SRPK2: variants seen among roughly 807,000 people sequenced by gnomAD.
The protein encoded by SRPK2 is SFRS protein kinase 2.
Under a neutral mutation model 90.8 loss-of-function variants are expected in SRPK2, and 21 were observed. That is an observed-to-expected ratio of 0.23 (90% CI 0.16 to 0.33). SRPK2 has a LOEUF of 0.33. Ranked by LOEUF, SRPK2 falls within the 10% of genes least tolerant of loss-of-function variation. The pLI is 1.00. For synonymous variants in SRPK2, 288 were observed against 311.1 expected, an observed-to-expected ratio of 0.93 and a Z score of 0.78; for missense variants, 620 against 869.0, an observed-to-expected ratio of 0.71 and a Z score of 3.60.
chr7:105,353,901 T>C (rs1817502014), intron 2 of SRPK2, among the ~76,000 whole-genome samples: 1 of 152,108 alleles, frequency 6.6e-6, no homozygotes, highest in South Asian at 2.1e-4. Context: ...GAGGCCAAAC[T>C]TCTCCCCAGG....
intron 2 of SRPK2, among the ~76,000 whole-genome samples, chr7:105,255,902 C>G (rs1803211961): frequency 6.9e-6 from 1 of 145,774 alleles, no homozygotes; most frequent in African/African-American, 2.5e-5. Context: ...CCAGCCTGGG[C>G]GATAGTGTGA....
chr7:105,190,566 T>C (rs1794154073), intron 3 of SRPK2, among the ~76,000 whole-genome samples: 1 of 152,166 alleles, frequency 6.6e-6, no homozygotes, highest in South Asian at 2.1e-4. Flanking sequence ...CTGTGTAAGG[T>C]TTGGGAACAG....
At chr7:105,386,456 G>A (rs1472062036) in intron 2 of SRPK2, among the ~76,000 whole-genome samples, 9 of 152,166 alleles carry the variant, frequency 5.9e-5, no homozygotes, top group Admixed American at 5.2e-4. Flanking sequence ...GCTCACACCT[G>A]TAATCCCAGC....
intron 2 of SRPK2, among the ~76,000 whole-genome samples, chr7:105,323,545 T>G (rs571861165): frequency 6.6e-6 from 1 of 152,194 alleles, no homozygotes; most frequent in East Asian, 1.9e-4. Context: ...TGACTCTTAA[T>G]GCAAATAAAA....
intron 3 of SRPK2, among the ~76,000 whole-genome samples, chr7:105,169,749 T>G (rs1563022602): frequency 6.6e-6 from 1 of 152,218 alleles, no homozygotes; most frequent in African/African-American, 2.4e-5. Flanking sequence ...TTAGACTTCT[T>G]GTTTTAATTT....
In SRPK2 at chr7:105,170,977, G is replaced by GAGAA. The variant is rs750707874; in HGVS notation, c.230-1716_230-1713dup. On this transcript the variant is annotated intron_variant, in intron 3 of 15. Coordinates refer to ENST00000393651, the MANE Select transcript of SRPK2 (RefSeq NM_182692.3). ...AAAGAAAGAAAGAAAGAGAAAGAAA[G>GAGAA]AGAAAGAAAGAAAGAAAGAGAAAGA... 9.3e-3 allele frequency among the ~76,000 whole-genome samples: 393 copies of GAGAA among 42,206 alleles called. 33 individuals are homozygous for GAGAA. Among genetic ancestry groups the GAGAA allele is most frequent in the African/African-American group, 0.036 (365 of 10,002 alleles). 27.7% of individuals were successfully genotyped at this position (42,206 alleles called of 152,430 possible).
intron 3 of SRPK2, among the ~76,000 whole-genome samples, chr7:105,197,795 T>C (rs1300519826): frequency 6.6e-6 from 1 of 152,216 alleles, no homozygotes; most frequent in African/African-American, 2.4e-5. Flanking sequence ...ATGACATGTT[T>C]TCATACCAAG....
intron 2 of SRPK2, among the ~76,000 whole-genome samples, chr7:105,292,867 A>C (rs1471136194): frequency 6.6e-6 from 1 of 152,112 alleles, no homozygotes; most frequent in Non-Finnish European, 1.5e-5. Context: ...AGACAGTTCT[A>C]CTCCTGCTCT....
intron 2 of SRPK2, chr7:105,306,669 C>G (rs551033689): frequency 2.6e-5 from 9 of 348,774 alleles, no homozygotes; most frequent in Non-Finnish European, 5.0e-5. Context: ...AGCATTTAAC[C>G]GAAACACTCA....
chr7:105,392,270 A>T (rs561278591), upstream of SRPK2, among the ~76,000 whole-genome samples: 2 of 152,256 alleles, frequency 1.3e-5, no homozygotes, highest in Admixed American at 6.6e-5. Context: ...TTGGTGCTAG[A>T]TAGAGGTGGT....
At chr7:105,236,216 T>C (rs1351246005) in intron 2 of SRPK2, among the ~76,000 whole-genome samples, 1 of 152,210 alleles carries the variant, frequency 6.6e-6, no homozygotes, top group Non-Finnish European at 1.5e-5. Flanking sequence ...CATACGAAGG[T>C]TGATTTTATC....
intron 2 of SRPK2, among the ~76,000 whole-genome samples, chr7:105,299,221 G>A (rs1205687940): frequency 6.6e-6 from 1 of 152,216 alleles, no homozygotes; most frequent in Non-Finnish European, 1.5e-5. Context: ...AGACTGGGAA[G>A]TTATCTTCCT....
At chr7:105,118,793 C>T (rs1799922436) in intron 15 of SRPK2, among the ~76,000 whole-genome samples, 1 of 151,958 alleles carries the variant, frequency 6.6e-6, no homozygotes, top group Non-Finnish European at 1.5e-5. Flanking sequence ...GGTGGTACAT[C>T]CCAGCTACTC....
intron 7 of SRPK2, among the ~76,000 whole-genome samples, chr7:105,157,602 G>T (rs1417434418): frequency 6.6e-6 from 1 of 152,078 alleles, no homozygotes; most frequent in African/African-American, 2.4e-5. Flanking sequence ...AAGAAAGATG[G>T]GTTCACACAC....
chr7:105,345,302 C>T (rs1283538444), intron 2 of SRPK2, among the ~76,000 whole-genome samples: 1 of 152,054 alleles, frequency 6.6e-6, no homozygotes, highest in Non-Finnish European at 1.5e-5. Flanking sequence ...ACACAAAGAA[C>T]AGTAACAACT....
chr7:105,183,482 T>C (rs1793154763), intron 3 of SRPK2, among the ~76,000 whole-genome samples: 1 of 152,086 alleles, frequency 6.6e-6, no homozygotes, highest in South Asian at 2.1e-4. Context: ...TTTGTTTGTT[T>C]GTTTGTCTAT....
chr7:105,297,595 A>C (rs982692920), intron 2 of SRPK2: 2 of 585,710 alleles, frequency 3.4e-6, no homozygotes, highest in African/African-American at 4.0e-5. Context: ...CGCTACAATT[A>C]CCTAAAAGGT....
intron 15 of SRPK2, chr7:105,125,682 T>G (rs1390386751): frequency 2.4e-6 from 1 of 419,254 alleles, no homozygotes. Context: ...TCCCCAGTTG[T>G]GAAACTCCAG....
chr7:105,245,171 C>G (rs1801468090), intron 2 of SRPK2, among the ~76,000 whole-genome samples: 1 of 151,904 alleles, frequency 6.6e-6, no homozygotes, highest in African/African-American at 2.4e-5. Flanking sequence ...TGCTAGGCAC[C>G]AGAAACGTGA....
Sources: gnomAD v4.1 joint callset for allele counts (sites outside exome capture counted in the v4.1 genomes callset) on GRCh38, gnomAD v4.1.1 for gene constraint, MANE v1.5 for transcripts, NCBI Gene and HGNC (gene_info 2026-07-23, HGNC 2026-07-21) for gene names.